TRPV6: variants seen among roughly 807,000 people sequenced by gnomAD.
TRPV6 encodes transient receptor potential cation channel subfamily V member 6, also known as Alu-binding protein with zinc finger domain.
A neutral mutation model predicts 79.0 loss-of-function variants in TRPV6; 39 were observed. The observed-to-expected ratio is 0.49, with a 90% CI of 0.38 to 0.64. The LOEUF (loss-of-function observed/expected upper bound fraction) is 0.64. TRPV6 is among the 30% of genes least tolerant of loss of function. The pLI is 0.00. For synonymous variants in TRPV6, 373 were observed against 391.9 expected (o/e 0.95, Z 0.57); for missense variants, 813 against 1,011.1 (o/e 0.80, Z 2.66).
chr7:142,877,779 A>G lies in TRPV6; in HGVS notation c.347-6T>C, dbSNP rs779980884. ...CGCTGTTTCCCCCATGGCTCCTGGC[A>G]TTTACAGAGAGGTGGGTTATATGGC... On this transcript the variant is annotated splice_polypyrimidine_tract_variant and splice_region_variant and intron_variant, in intron 2 of 14. Transcript: ENST00000359396. 27 of 1,613,974 alleles carry G rather than the reference A, an allele frequency of 1.7e-5. No homozygotes were observed. Among genetic ancestry groups the G allele is most frequent in the Admixed American group, 8.3e-5 (5 of 60,000 alleles).
intron 8 of TRPV6, 69 bp downstream of exon 8, chr7:142,875,399 A>G (rs1384522234): frequency 4.6e-5 from 68 of 1,473,648 alleles, no homozygotes; most frequent in Non-Finnish European, 6.1e-5. Flanking sequence ...GAGGGAGGAA[A>G]GGGACACCAG....
In TRPV6 at chr7:142,875,063, C is replaced by G. The variant is rs775405709; in HGVS notation, c.1329+15G>C. 1.1e-5 allele frequency: 17 copies of G among 1,614,020 alleles called. No homozygotes were observed. The highest frequency in any genetic ancestry group is 1.2e-5 in the Non-Finnish European group (14 of 1,180,034). ...TCGGGCAGACAGCCTCACCCAGAGTCCATCCACACCTCACCTCTACCAGCA... is the reference window on the plus strand; with the variant it reads ...TCGGGCAGACAGCCTCACCCAGAGTGCATCCACACCTCACCTCTACCAGCA... On this transcript the variant is annotated intron_variant, in intron 9 of 14. Coordinates refer to ENST00000359396, the MANE Select transcript of TRPV6 (RefSeq NM_018646.6).
chr7:142,878,271 T>C (rs2116523010), intron 1 of TRPV6: 1 of 558,306 alleles, frequency 1.8e-6, no homozygotes, highest in South Asian at 2.1e-5. Flanking sequence ...CCTTCCCCCC[T>C]ACCGGGTCCT....
intron 1 of TRPV6, chr7:142,880,698 T>C (rs1451578276): frequency 6.6e-6 from 1 of 152,162 alleles, no homozygotes; most frequent in Non-Finnish European, 1.5e-5. Context: ...GACACTCTAG[T>C]GGCCTGGGGA....
At chr7:142,879,698 A>T (rs1479939091) in intron 1 of TRPV6, 1 of 152,292 alleles carries the variant, frequency 6.6e-6, no homozygotes, top group Non-Finnish European at 1.5e-5. Context: ...CTCTCTCTTC[A>T]TTCAGTCCCT....
rs575813505 is a variant in TRPV6 at position 142,873,445 on chromosome 7, C to T, written c.1908+3G>A. 4 of 1,613,478 alleles carry T rather than the reference C, an allele frequency of 2.5e-6. No homozygotes were observed. Among genetic ancestry groups the T allele is most frequent in the Non-Finnish European group, 3.4e-6 (4 of 1,179,772 alleles). ...TAACCCTCCCTGCCACCAGGGGGCT[C>T]ACCTGGGCCCTCCACAGCTCATCCC... On this transcript the variant is annotated splice_donor_region_variant and intron_variant, in intron 13 of 14. Coordinates refer to ENST00000359396, the MANE Select transcript of TRPV6 (RefSeq NM_018646.6). The surrounding 1 kb of genome is among the most constrained non-coding windows in gnomAD (Gnocchi z 4.8).
At chr7:142,885,109 C>T (rs1423532042) in intron 1 of TRPV6, 2 of 269,490 alleles carry the variant, frequency 7.4e-6, no homozygotes, top group East Asian at 1.5e-4. Flanking sequence ...CAAGCCCCAG[C>T]AAGACGCCTG....
Position 142,875,891 on chromosome 7 carries a change from A to T in TRPV6, c.896T>A (p.Leu299Gln), listed in dbSNP as rs151308770. The change falls in exon 7 of 15, where the codon CTG becomes CAG. Residue 299 changes from leucine to glutamine, a missense_variant. By Grantham distance (113) the Leu-to-Gln change is moderately radical. Transcript: ENST00000359396. ...CTGGGTGTGCTTCCGCTTCTGCATCAGGTGCTGAAACATCTAAGGGAAAGT... is the reference window on the plus strand; with the variant it reads ...CTGGGTGTGCTTCCGCTTCTGCATCTGGTGCTGAAACATCTAAGGGAAAGT... 2.9e-3 allele frequency: 4,662 copies of T among 1,583,960 alleles called. 16 individuals are homozygous for T. Among genetic ancestry groups the T allele is most frequent in the Admixed American group, 3.9e-3 (216 of 54,742 alleles).
In TRPV6 at chr7:142,876,932, C is replaced by T; in HGVS notation, c.608-95G>A. The T allele has an allele frequency of 5.9e-6, 9 of 1,531,616 alleles. No individual in the cohort carries two copies. The South Asian group carries it at 1.1e-4, about 18-fold the overall frequency. The allele number at this position is 1,531,616 out of a possible 1,614,324, so 94.9% of individuals were successfully genotyped here. A position where few individuals can be genotyped will look rare whatever the true frequency, so the allele number is the denominator to read the frequency against. The stretch of plus-strand genomic sequence containing the variant: ...GTGACAGCCTTATCTTCCCCCACAT[C>T]TCAGCTCAGGGCTTGAGGACACTTT... On this transcript the variant is annotated intron_variant, in intron 4 of 14. Coordinates refer to ENST00000359396, the MANE Select transcript of TRPV6 (RefSeq NM_018646.6).
At position 142,875,126 on chromosome 7, in the gene TRPV6, G is replaced by C. The variant is rs375176748; in HGVS notation, c.1281C>G (p.Val427=). 6.2e-7 allele frequency: 1 copy of C among 1,614,004 alleles called. No individual in the cohort carries two copies. Among genetic ancestry groups the C allele is most frequent in the Non-Finnish European group, 8.5e-7 (1 of 1,179,998 alleles). The stretch of plus-strand genomic sequence containing the variant: ...CCCCAATGACAGTCACCAGCTCCCC[G>C]ACCAGCCGGATATCGTCCTTAGGGG... The change falls in exon 9 of 15, where the codon GTC becomes GTG. Residue 427 remains valine (V), a synonymous_variant. Coordinates refer to ENST00000359396, the MANE Select transcript of TRPV6 (RefSeq NM_018646.6).
rs983155662 is a variant in TRPV6, at chr7:142,885,536, T to C, written c.101A>G (p.Lys34Arg). Residue 34 changes from lysine to arginine, a missense_variant, in exon 1 of 15, where the codon AAG (lysine) becomes AGG (arginine). Physicochemically the swap from Lys to Arg is conservative, Grantham distance 26 (BLOSUM62 2). Transcript: ENST00000359396. ...ACCCATGGGGTGTAGGGCCGGCTCC[T>C]TGGGGGCCTGAGGCCGAGGCCAGAC... The C allele has an allele frequency of 3.1e-6, 5 of 1,592,060 alleles. No individual in the cohort carries two copies. In the African/African-American group the frequency reaches 6.7e-5, roughly 21 times the overall value.
At position 142,877,965 on chromosome 7, in the gene TRPV6, A is replaced by C; in HGVS notation, c.310T>G (p.Leu104Val). The change falls in exon 2 of 15, where the codon TTG becomes GTG. Residue 104 changes from leucine to valine, a missense_variant. Physicochemically the swap from Leu to Val is conservative, Grantham distance 32 (BLOSUM62 1). Coordinates refer to ENST00000359396, the MANE Select transcript of TRPV6 (RefSeq NM_018646.6). ...ACCTTGCAATCCTCATACTTGAGCA[A>C]CTTGTTCAGGGCCTGGACATCATTA... 8.7e-6 allele frequency: 14 copies of C among 1,614,190 alleles called. No homozygotes were observed. The highest frequency in any genetic ancestry group is 1.2e-5 in the Non-Finnish European group (14 of 1,180,022).
At chr7:142,876,265 A>G in intron 6 of TRPV6, 143 bp downstream of exon 6, 2 of 1,246,784 alleles carry the variant, frequency 1.6e-6, no homozygotes, top group Non-Finnish European at 2.2e-6. Context: ...ACAGGTAACC[A>G]CAGTGGGAGG....
chr7:142,876,012 C>T lies in TRPV6; in HGVS notation c.883-108G>A, dbSNP rs1795060070. 8 of 1,307,812 alleles carry T rather than the reference C, an allele frequency of 6.1e-6. No individual in the cohort carries two copies. In the South Asian group the frequency reaches 1.3e-4, roughly 22 times the overall value. 81.0% of individuals were successfully genotyped at this position (1,307,812 alleles called of 1,614,324 possible). On this transcript the variant is annotated intron_variant, in intron 6 of 14. Coordinates refer to ENST00000359396, the MANE Select transcript of TRPV6 (RefSeq NM_018646.6). ...CGGCACCCCTGGAGAAGGTGGCTGC[C>T]CTTTCATTTTGATGACAGCCTTTAG...
intron 11 of TRPV6, 88 bp downstream of exon 11, chr7:142,874,403 G>A (rs1795008441): frequency 1.3e-6 from 2 of 1,514,844 alleles, no homozygotes; most frequent in Admixed American, 1.7e-5. Flanking sequence ...TGCAGAACCT[G>A]CAATGTCTAC....
intron 14 of TRPV6, 141 bp from the exon 15 acceptor site, chr7:142,872,130 G>T: frequency 1.6e-6 from 2 of 1,256,176 alleles, no homozygotes; most frequent in Non-Finnish European, 2.2e-6. Flanking sequence ...TGGATGCCTG[G>T]GTCACTGGCC....
Position 142,871,232 on chromosome 7 carries a change from A to G in TRPV6, c.*475T>C. ...CAGGGATCCGAAAACGACTTTATTG[A>G]AGATGGAGTTGGCAAGACCTAGCCC... On this transcript the variant is annotated 3_prime_UTR_variant, in exon 15 of 15. Transcript: ENST00000359396. 1.9e-6 allele frequency: 1 copy of G among 524,116 alleles called. No individual in the cohort carries two copies. The highest frequency in any genetic ancestry group is 3.5e-6 in the Non-Finnish European group (1 of 289,054). The allele number at this position is 524,116 out of a possible 1,614,324, so 32.5% of individuals were successfully genotyped here.
chr7:142,872,726 C>T (rs1472236258), intron 13 of TRPV6, among the ~76,000 whole-genome samples: 3 of 152,158 alleles, frequency 2.0e-5, no homozygotes, highest in African/African-American at 7.2e-5. Context: ...CTTTTAAGGG[C>T]TCCCAGATAT....
At chr7:142,877,310 CT>C in intron 3 of TRPV6, 31 bp from the exon 4 acceptor site, 1 of 1,611,020 alleles carries the variant, frequency 6.2e-7, no homozygotes, top group Non-Finnish European at 8.5e-7. Context: ...AGTCACGGGT[CT>C]GTCCCCAGGA....
Sources: allele counts gnomAD v4.1 joint callset (sites outside exome capture counted in the v4.1 genomes callset), GRCh38; gene constraint gnomAD v4.1.1; non-coding constraint Gnocchi (gnomAD v3.1); transcripts MANE v1.5; gene names NCBI Gene and HGNC (gene_info 2026-07-23, HGNC 2026-07-21).